The following KLF15 variants were observed in gnomAD, a reference collection of about 807,000 sequenced individuals.
The protein encoded by KLF15 is KLF transcription factor 15.
KLF15 carries 4 observed loss-of-function variants against 24.6 expected under a neutral mutation model. That is an observed-to-expected ratio of 0.16 (90% CI 0.08 to 0.37). The LOEUF is 0.37. Ranked by LOEUF, KLF15 falls within the 10% of genes least tolerant of loss-of-function variation. The probability of loss-of-function intolerance (pLI) is 1.00; values close to 1 mark genes in which losing one functional copy is unlikely to be tolerated. For missense variants in KLF15, 496 were observed against 560.6 expected, an observed-to-expected ratio of 0.88 and a Z score of 1.16; for synonymous variants, 246 against 236.3, an observed-to-expected ratio of 1.04 and a Z score of -0.37.
chr3:126,310,056 T>C, the KLF15 span, among the ~76,000 whole-genome samples: 24 of 152,266 alleles, frequency 1.6e-4, no homozygotes, highest in Non-Finnish European at 3.2e-4. Context: ...TTTGGCCTGG[T>C]GAGGGCTTCG....
chr3:126,303,336 T>C, the KLF15 span, among the ~76,000 whole-genome samples: 16 of 152,156 alleles, frequency 1.1e-4, no homozygotes, highest in South Asian at 3.1e-3. Context: ...AGTGGTTCTG[T>C]TGGTAATTCT....
the KLF15 span, among the ~76,000 whole-genome samples, chr3:126,316,230 G>A: frequency 6.6e-6 from 1 of 151,912 alleles, no homozygotes; most frequent in African/African-American, 2.4e-5. Context: ...GAGTCCACGG[G>A]CCGGACTGGG....
At chr3:126,342,402 C>T (rs146036453), downstream of KLF15, among the ~76,000 whole-genome samples, 168 of 152,252 alleles carry the variant, frequency 1.1e-3, 1 homozygote, top group African/African-American at 3.8e-3. Flanking sequence ...TTTGGGTTTA[C>T]GGAGCTCCAG....
intron 2 of KLF15, among the ~76,000 whole-genome samples, chr3:126,348,511 C>A (rs530272333): frequency 6.6e-6 from 1 of 152,184 alleles, no homozygotes; most frequent in Admixed American, 6.5e-5. Flanking sequence ...CAACCCAGAT[C>A]CTTGCTCACT....
intron 2 of KLF15, among the ~76,000 whole-genome samples, chr3:126,350,837 A>G (rs1004040521): frequency 1.3e-5 from 2 of 152,032 alleles, no homozygotes; most frequent in East Asian, 1.9e-4. Context: ...ATACACCCCC[A>G]GGGATACAGA....
the KLF15 span, among the ~76,000 whole-genome samples, chr3:126,317,919 A>C: frequency 6.6e-6 from 1 of 152,196 alleles, no homozygotes; most frequent in African/African-American, 2.4e-5. Flanking sequence ...AAACCCGTAC[A>C]GATTTGCCGC....
At chr3:126,338,054 G>C (rs2082452373), downstream of KLF15, among the ~76,000 whole-genome samples, 1 of 152,192 alleles carries the variant, frequency 6.6e-6, no homozygotes, top group African/African-American at 2.4e-5. Flanking sequence ...GTGAGAGATT[G>C]GCAAAGAGAC....
Position 126,352,179 on chromosome 3 carries a change from A to T in KLF15, c.744T>A (p.Val248=). The change falls in exon 2 of 3, where the codon GTT becomes GTA. Residue 248 remains valine (V), a synonymous_variant. Coordinates refer to ENST00000296233, the MANE Select transcript of KLF15 (RefSeq NM_014079.4). The part of the protein sequence containing the change: ...SPGQAPENVK[V]AQLLVNIQGQ... ...CCTGGATGTTGACCAGGAGCTGGGC[A>T]ACCTTGACATTCTCTGGGGCTTGCC... 6.4e-7 allele frequency: 1 copy of T among 1,572,220 alleles called. No homozygotes were observed. Among genetic ancestry groups the T allele is most frequent in the Non-Finnish European group, 8.6e-7 (1 of 1,160,984 alleles).
At chr3:126,311,551 C>A in the KLF15 span, among the ~76,000 whole-genome samples, 3 of 152,218 alleles carry the variant, frequency 2.0e-5, no homozygotes, top group Non-Finnish European at 2.9e-5. Context: ...CTAGGCTAGG[C>A]ACCTGGCTAC....
At chr3:126,313,886 G>A in the KLF15 span, among the ~76,000 whole-genome samples, 2 of 152,196 alleles carry the variant, frequency 1.3e-5, no homozygotes, top group Non-Finnish European at 2.9e-5. Context: ...CTTCAGCTGA[G>A]GCTTGAGCAG....
chr3:126,349,895 G>A (rs1458476117), intron 2 of KLF15, among the ~76,000 whole-genome samples: 1 of 152,196 alleles, frequency 6.6e-6, no homozygotes, highest in African/African-American at 2.4e-5. Flanking sequence ...CCTCTTGGGG[G>A]CTGGAGAGAA....
chr3:126,341,729 C>T (rs2082480537), downstream of KLF15, among the ~76,000 whole-genome samples: 1 of 152,212 alleles, frequency 6.6e-6, no homozygotes, highest in African/African-American at 2.4e-5. Context: ...GCTGGGAGCC[C>T]ATGGGTGCCC....
the KLF15 span, among the ~76,000 whole-genome samples, chr3:126,318,568 G>A: frequency 4.6e-5 from 7 of 152,310 alleles, no homozygotes; most frequent in Admixed American, 2.0e-4. Flanking sequence ...TGGCCGACAC[G>A]TGGCATACTG....
At chr3:126,323,427 A>C in the KLF15 span, among the ~76,000 whole-genome samples, 3 of 42,352 alleles carry the variant, frequency 7.1e-5, no homozygotes, top group African/African-American at 2.1e-4. Context: ...ATATATATAT[A>C]TATATATAAC....
chr3:126,303,984 T>C, the KLF15 span, among the ~76,000 whole-genome samples: 2 of 152,228 alleles, frequency 1.3e-5, no homozygotes, highest in Middle Eastern at 3.2e-3. Context: ...TTTATACATA[T>C]AGAATGCAAC....
At chr3:126,353,096 C>T in intron 1 of KLF15, 149 bp from the exon 2 acceptor site, 1 of 949,280 alleles carries the variant, frequency 1.1e-6, no homozygotes, top group Non-Finnish European at 1.5e-6. Context: ...AGAGCTGTGC[C>T]TGCAAGAGTG....
the KLF15 span, among the ~76,000 whole-genome samples, chr3:126,323,421 A>ATATAACATATATATGT: frequency 2.3e-4 from 8 of 35,474 alleles, 1 homozygote; most frequent in Non-Finnish European, 3.0e-4. Context: ...ATATATATAT[A>ATATAACATATATATGT]TATATATATA....
the KLF15 span, among the ~76,000 whole-genome samples, chr3:126,298,593 T>C: frequency 6.6e-6 from 1 of 152,296 alleles, no homozygotes; most frequent in African/African-American, 2.4e-5. Context: ...AGAATCTTTA[T>C]GGTTTCGGTT....
the KLF15 span, among the ~76,000 whole-genome samples, chr3:126,298,594 G>A: frequency 6.6e-6 from 1 of 152,022 alleles, no homozygotes; most frequent in South Asian, 2.1e-4. Flanking sequence ...GAATCTTTAT[G>A]GTTTCGGTTC....
Sources: gnomAD v4.1 joint callset for allele counts (sites outside exome capture counted in the v4.1 genomes callset) on GRCh38, gnomAD v4.1.1 for gene constraint, MANE v1.5 for transcripts, NCBI Gene and HGNC (gene_info 2026-07-23, HGNC 2026-07-21) for gene names.